RASEF: variants seen among roughly 807,000 people sequenced by gnomAD.
RASEF encodes the protein RAS and EF-hand domain containing.
RASEF carries 68 observed loss-of-function variants against 90.1 expected under a neutral mutation model. The ratio of observed to expected loss-of-function variants is 0.75; its 90% confidence interval spans 0.62 to 0.92. RASEF has a LOEUF of 0.92. RASEF is among the 40% of genes least tolerant of loss of function. The pLI is 0.00. For synonymous variants in RASEF, 331 were observed against 345.2 expected (o/e 0.96, Z 0.46); for missense variants, 949 against 937.2 (o/e 1.01, Z -0.16).
intron 1 of RASEF, among the ~76,000 whole-genome samples, chr9:83,028,547 T>C (rs898499358): frequency 6.6e-6 from 1 of 152,156 alleles, no homozygotes; most frequent in African/African-American, 2.4e-5. Flanking sequence ...CATTTTAAGA[T>C]GCTATGAGGG....
At chr9:83,142,899 A>ACAG in the RASEF span, among the ~76,000 whole-genome samples, 1 of 151,540 alleles carries the variant, frequency 6.6e-6, no homozygotes, top group Non-Finnish European at 1.5e-5. Context: ...AAAATTATAA[A>ACAG]ACAGAACAAG....
the RASEF span, among the ~76,000 whole-genome samples, chr9:83,184,491 G>A: frequency 2.0e-5 from 3 of 152,246 alleles, no homozygotes; most frequent in South Asian, 6.2e-4. Flanking sequence ...ACACCCCTAC[G>A]TGGTTTTATG....
At chr9:83,008,891 CATATATATATATATA>C (rs1372322778) in intron 6 of RASEF, among the ~76,000 whole-genome samples, 13 of 19,562 alleles carry the variant, frequency 6.6e-4, no homozygotes, top group African/African-American at 1.2e-3. Context: ...AAGTTCTCAT[CATATATATATATATA>C]TATATATATA....
At chr9:83,022,966 T>A (rs1829470368) in intron 2 of RASEF, among the ~76,000 whole-genome samples, 1 of 152,212 alleles carries the variant, frequency 6.6e-6, no homozygotes, top group Non-Finnish European at 1.5e-5. Context: ...TACCTGACTA[T>A]ATTAAATAAA....
chr9:83,203,266 T>C, the RASEF span, among the ~76,000 whole-genome samples: 1 of 148,722 alleles, frequency 6.7e-6, no homozygotes, highest in African/African-American at 2.5e-5. Context: ...TTATGTTCTA[T>C]TTCAGTCCTT....
At position 83,012,518 on chromosome 9, in the gene RASEF, G is replaced by A. The variant is rs1226992634; in HGVS notation, c.766-7C>T. 2 of 1,570,532 alleles carry A rather than the reference G, an allele frequency of 1.3e-6. No individual in the cohort carries two copies. Among genetic ancestry groups the A allele is most frequent in the Non-Finnish European group, 1.7e-6 (2 of 1,154,596 alleles). Reference sequence around the variant, plus strand: ...GTTTTGATTGTTCTTCGAGCTGAAAGACCAAATAAAAGTTGTGTGCTTACA... The same window carrying A: ...GTTTTGATTGTTCTTCGAGCTGAAAAACCAAATAAAAGTTGTGTGCTTACA... On this transcript the variant is annotated splice_region_variant and splice_polypyrimidine_tract_variant and intron_variant, in intron 4 of 16. Coordinates refer to ENST00000376447, the MANE Select transcript of RASEF (RefSeq NM_152573.4).
intron 9 of RASEF, 74 bp from the exon 10 acceptor site, chr9:83,001,204 G>A (rs913278186): frequency 2.9e-6 from 3 of 1,024,218 alleles, no homozygotes; most frequent in Non-Finnish European, 1.5e-6. Context: ...TAGACCACAT[G>A]CCATTAGATG....
chr9:83,196,459 C>A, the RASEF span, among the ~76,000 whole-genome samples: 1 of 152,114 alleles, frequency 6.6e-6, no homozygotes, highest in South Asian at 2.1e-4. Context: ...TGACTCTCAT[C>A]CACAGCAGCC....
rs1828576131 is a variant in RASEF at position 82,980,348 on chromosome 9, A to T, written c.*2329T>A. On this transcript the variant is annotated 3_prime_UTR_variant, in exon 17 of 17. Transcript: ENST00000376447. The stretch of plus-strand genomic sequence containing the variant: ...TCTCCCAGCATACAGAGCTTTAAGA[A>T]GCTTCTCTTTAAACATGATTGCTAA... 1 of 152,216 alleles carries T rather than the reference A, an allele frequency of 6.6e-6. No homozygotes were observed. Among genetic ancestry groups the T allele is most frequent in the Admixed American group, 6.5e-5 (1 of 15,284 alleles). 9.4% of individuals were successfully genotyped at this position (152,216 alleles called of 1,614,324 possible).
the RASEF span, among the ~76,000 whole-genome samples, chr9:83,123,169 G>A: frequency 6.6e-6 from 1 of 150,840 alleles, no homozygotes; most frequent in African/African-American, 2.4e-5. Flanking sequence ...GAATCCGGGA[G>A]GCAGAGGTTG....
the RASEF span, among the ~76,000 whole-genome samples, chr9:83,208,573 A>G: frequency 1.3e-5 from 2 of 151,940 alleles, no homozygotes; most frequent in African/African-American, 4.8e-5. Context: ...GAATATGTCT[A>G]TTTCCTGTTC....
the RASEF span, among the ~76,000 whole-genome samples, chr9:83,217,984 A>G: frequency 6.9e-6 from 1 of 145,448 alleles, no homozygotes; most frequent in African/African-American, 2.5e-5. Context: ...TTATCCATTC[A>G]TCAAACTTTC....
intron 7 of RASEF, among the ~76,000 whole-genome samples, chr9:83,007,200 AC>A (rs1253496870): frequency 6.6e-6 from 1 of 152,002 alleles, no homozygotes; most frequent in Non-Finnish European, 1.5e-5. Flanking sequence ...ATATCCCCTG[AC>A]TTCCCAAGAT....
At chr9:83,111,848 C>T in the RASEF span, among the ~76,000 whole-genome samples, 1 of 151,816 alleles carries the variant, frequency 6.6e-6, no homozygotes, top group Non-Finnish European at 1.5e-5. Context: ...TAATAAATAA[C>T]AAATTTTGTA....
the RASEF span, among the ~76,000 whole-genome samples, chr9:83,071,616 G>A: frequency 6.6e-6 from 1 of 152,098 alleles, no homozygotes; most frequent in Non-Finnish European, 1.5e-5. Context: ...TCATTGCCCA[G>A]GCTGGTTTTG....
In RASEF at chr9:83,053,475, T is replaced by C. The variant is rs1398204089; in HGVS notation, c.431+8962A>G. Among the ~76,000 whole-genome samples the C allele has an allele frequency of 6.7e-5, 9 of 133,802 alleles. No homozygotes were observed. The East Asian group carries it at 1.8e-3, about 27-fold the overall frequency. The allele number at this position is 133,802 out of a possible 152,430, so 87.8% of individuals were successfully genotyped here. A position where few individuals can be genotyped will look rare whatever the true frequency, so the allele number is the denominator to read the frequency against. ...GATGGGTTTCCTGAATACAGCACACTGATGGGTCCTGACTCTTTATCCAAT... is the reference window on the plus strand; with the variant it reads ...GATGGGTTTCCTGAATACAGCACACCGATGGGTCCTGACTCTTTATCCAAT... On this transcript the variant is annotated intron_variant, in intron 1 of 16. Coordinates refer to ENST00000376447, the MANE Select transcript of RASEF (RefSeq NM_152573.4).
intron 1 of RASEF, chr9:83,054,949 G>A (rs1407579699): frequency 6.8e-6 from 1 of 147,956 alleles, no homozygotes; most frequent in Non-Finnish European, 1.5e-5. Context: ...TCTCTTCAAA[G>A]CTGTCAGACA....
At chr9:83,216,353 C>T in the RASEF span, among the ~76,000 whole-genome samples, 1 of 152,154 alleles carries the variant, frequency 6.6e-6, no homozygotes, top group East Asian at 1.9e-4. Context: ...AGGTCCCAGG[C>T]CCCCTTGCTG....
the RASEF span, among the ~76,000 whole-genome samples, chr9:83,207,093 T>TA: frequency 6.6e-6 from 1 of 152,096 alleles, no homozygotes; most frequent in African/African-American, 2.4e-5. Flanking sequence ...CACATGGAAA[T>TA]AGCAGAAATA....
Sources: allele counts gnomAD v4.1 joint callset (sites outside exome capture counted in the v4.1 genomes callset), GRCh38; gene constraint gnomAD v4.1.1; transcripts MANE v1.5; gene names NCBI Gene and HGNC (gene_info 2026-07-23, HGNC 2026-07-21).